The following FAM110B variants were observed in gnomAD, a reference collection of about 807,000 sequenced individuals.
FAM110B encodes the protein protein FAM110B.
In FAM110B, 6 loss-of-function variants were observed where a neutral mutation model predicts 20.4. That is an observed-to-expected ratio of 0.29 (90% CI 0.16 to 0.58). FAM110B has a LOEUF of 0.58. Ranked by LOEUF, FAM110B falls within the 20% of genes least tolerant of loss-of-function variation. The pLI is 0.90. For missense variants in FAM110B, 434 were observed against 498.2 expected (o/e 0.87, Z 1.23); for synonymous variants, 226 against 214.1 (o/e 1.06, Z -0.49).
intron 3 of FAM110B, among the ~76,000 whole-genome samples, chr8:58,134,988 G>T (rs931382353): frequency 4.6e-5 from 7 of 152,074 alleles, no homozygotes; most frequent in Admixed American, 6.5e-5. Flanking sequence ...AATTAGTGTG[G>T]GTGCCTGAGC....
At chr8:58,052,986 C>T (rs1003049588) in intron 2 of FAM110B, among the ~76,000 whole-genome samples, 1 of 150,706 alleles carries the variant, frequency 6.6e-6, no homozygotes, top group Non-Finnish European at 1.5e-5. Context: ...GGGGTTTCAC[C>T]GTGTTAGCCA....
chr8:58,038,325 T>C (rs781525978), intron 2 of FAM110B, among the ~76,000 whole-genome samples: 3 of 152,336 alleles, frequency 2.0e-5, no homozygotes, highest in Non-Finnish European at 2.9e-5. Flanking sequence ...TATGGAATCC[T>C]GGAGTGTTGA....
chr8:58,096,326 C>T (rs1021672833), intron 3 of FAM110B, among the ~76,000 whole-genome samples: 1 of 152,170 alleles, frequency 6.6e-6, no homozygotes, highest in African/African-American at 2.4e-5. Flanking sequence ...CAGGCACCTG[C>T]CACCACACCC....
intron 1 of FAM110B, among the ~76,000 whole-genome samples, chr8:58,011,784 G>T (rs1277322257): frequency 6.6e-6 from 1 of 152,200 alleles, no homozygotes; most frequent in African/African-American, 2.4e-5. Flanking sequence ...AGTTCTGGAA[G>T]ATTATTTCAA....
intron 3 of FAM110B, among the ~76,000 whole-genome samples, chr8:58,098,435 G>A (rs1165636524): frequency 2.0e-5 from 3 of 152,212 alleles, no homozygotes; most frequent in Non-Finnish European, 4.4e-5. Context: ...AGACTGCTGT[G>A]CTGGCTGCAA....
At chr8:58,043,429 C>A (rs1020537917) in intron 2 of FAM110B, 3 of 151,580 alleles carry the variant, frequency 2.0e-5, no homozygotes, top group African/African-American at 7.3e-5. Context: ...CCTTCATTTT[C>A]TTTTTATTTA....
At chr8:58,110,497 T>C (rs979833334) in intron 3 of FAM110B, among the ~76,000 whole-genome samples, 2 of 152,208 alleles carry the variant, frequency 1.3e-5, no homozygotes, top group Non-Finnish European at 2.9e-5. Flanking sequence ...AAATAAAATA[T>C]TCCACTGATT....
intron 3 of FAM110B, among the ~76,000 whole-genome samples, chr8:58,119,649 G>A (rs938499417): frequency 2.8e-4 from 43 of 152,166 alleles, no homozygotes; most frequent in African/African-American, 1.0e-3. Context: ...TAGTCTTGTT[G>A]CAATCACTGT....
At chr8:58,100,055 C>G (rs950467688) in intron 3 of FAM110B, among the ~76,000 whole-genome samples, 7 of 152,168 alleles carry the variant, frequency 4.6e-5, no homozygotes, top group African/African-American at 1.7e-4. Context: ...CAGACCTCTC[C>G]TCGTCTAATC....
intron 1 of FAM110B, among the ~76,000 whole-genome samples, chr8:58,026,706 G>A (rs964918213): frequency 3.9e-5 from 6 of 152,118 alleles, no homozygotes; most frequent in African/African-American, 1.4e-4. Context: ...TGAAAACAGC[G>A]CTTTCATTAG....
chr8:58,063,554 C>T (rs1805698990), intron 2 of FAM110B, among the ~76,000 whole-genome samples: 1 of 152,134 alleles, frequency 6.6e-6, no homozygotes, highest in South Asian at 2.1e-4. Flanking sequence ...ACTGCTTGAG[C>T]ATCCCTAATC....
At chr8:58,019,936 TTTCTC>T (rs1425337926) in intron 1 of FAM110B, among the ~76,000 whole-genome samples, 3 of 151,964 alleles carry the variant, frequency 2.0e-5, no homozygotes, top group African/African-American at 7.2e-5. Context: ...CCTTCCCTCT[TTTCTC>T]CTCTCCTCTA....
At chr8:57,997,243 T>C (rs1441529615) in intron 1 of FAM110B, among the ~76,000 whole-genome samples, 2 of 152,162 alleles carry the variant, frequency 1.3e-5, no homozygotes. Context: ...CATTGTTTGC[T>C]GCCCCCCAAA....
At chr8:58,104,176 G>A (rs1806852785) in intron 3 of FAM110B, among the ~76,000 whole-genome samples, 1 of 152,062 alleles carries the variant, frequency 6.6e-6, no homozygotes, top group Non-Finnish European at 1.5e-5. Flanking sequence ...ATGTTTCCTG[G>A]CAGTGTAATA....
At chr8:58,054,337 A>T (rs994424698) in intron 2 of FAM110B, among the ~76,000 whole-genome samples, 1 of 152,206 alleles carries the variant, frequency 6.6e-6, no homozygotes, top group Non-Finnish European at 1.5e-5. Context: ...GAAACAGTCT[A>T]CACCCATGGT....
At chr8:58,076,902 T>A (rs1414551165) in intron 3 of FAM110B, among the ~76,000 whole-genome samples, 4 of 152,240 alleles carry the variant, frequency 2.6e-5, no homozygotes, top group Non-Finnish European at 4.4e-5. Flanking sequence ...CCATGTATTT[T>A]GTAATTTATT....
intron 3 of FAM110B, among the ~76,000 whole-genome samples, chr8:58,107,830 A>C (rs1806959299): frequency 6.6e-6 from 1 of 152,212 alleles, no homozygotes; most frequent in South Asian, 2.1e-4. Context: ...TTCTGACAGC[A>C]TGCTTGGTTA....
intron 3 of FAM110B, chr8:58,101,124 C>CCAAGAT (rs1319507749): frequency 6.6e-6 from 1 of 151,878 alleles, no homozygotes; most frequent in Non-Finnish European, 1.5e-5. Context: ...TTGCAGTGAG[C>CCAAGAT]CAAGATCGTG....
intron 1 of FAM110B, among the ~76,000 whole-genome samples, chr8:58,025,034 G>A (rs559882066): frequency 1.3e-5 from 2 of 152,224 alleles, no homozygotes; most frequent in East Asian, 1.9e-4. Flanking sequence ...TAAACAACAT[G>A]GCTAATTTAC....
Sources: allele counts gnomAD v4.1 joint callset (sites outside exome capture counted in the v4.1 genomes callset), GRCh38; gene constraint gnomAD v4.1.1; transcripts MANE v1.5; gene names NCBI Gene and HGNC (gene_info 2026-07-23, HGNC 2026-07-21).